AGBL4: variants seen among roughly 807,000 people sequenced by gnomAD.
AGBL4 encodes cytosolic carboxypeptidase 6.
Under a neutral mutation model 66.4 loss-of-function variants are expected in AGBL4, and 58 were observed. The observed-to-expected ratio is 0.87, with a 90% CI of 0.71 to 1.09. The LOEUF (loss-of-function observed/expected upper bound fraction) is 1.09, where lower values mean the gene tolerates loss of function less well. AGBL4 is among the 50% of genes least tolerant of loss of function. The pLI is 0.00. For missense variants in AGBL4, 579 were observed against 631.0 expected (o/e 0.92, Z 0.88); for synonymous variants, 234 against 222.9 (o/e 1.05, Z -0.44).
At chr1:48,650,229 C>A (rs1645904749) in intron 8 of AGBL4, among the ~76,000 whole-genome samples, 1 of 152,202 alleles carries the variant, frequency 6.6e-6, no homozygotes, top group Non-Finnish European at 1.5e-5. Context: ...TGCATCCCTG[C>A]CCGCTCCTCA....
chr1:48,864,175 A>G (rs1275520556), intron 6 of AGBL4, among the ~76,000 whole-genome samples: 2 of 152,134 alleles, frequency 1.3e-5, no homozygotes, highest in African/African-American at 4.8e-5. Flanking sequence ...GACAATAAAG[A>G]TATAAAAAGA....
At chr1:49,305,053 G>C (rs552868636) in intron 3 of AGBL4, among the ~76,000 whole-genome samples, 1 of 152,278 alleles carries the variant, frequency 6.6e-6, no homozygotes, top group Non-Finnish European at 1.5e-5. Context: ...TTACAGAATA[G>C]AAAACTGAGG....
At chr1:48,923,670 T>C (rs1654280814) in intron 5 of AGBL4, among the ~76,000 whole-genome samples, 1 of 152,210 alleles carries the variant, frequency 6.6e-6, no homozygotes, top group South Asian at 2.1e-4. Context: ...TATTTTAATG[T>C]CACTGTATTG....
At chr1:49,167,805 A>T (rs2148154835) in intron 4 of AGBL4, among the ~76,000 whole-genome samples, 1 of 152,310 alleles carries the variant, frequency 6.6e-6, no homozygotes, top group Non-Finnish European at 1.5e-5. Context: ...CACTCTCATC[A>T]TCTGTCTGCA....
In AGBL4 at chr1:49,628,246, A is replaced by C. The variant is rs145243924; in HGVS notation, c.282+69067T>G. 6.9e-3 allele frequency among the ~76,000 whole-genome samples: 1,049 copies of C among 152,226 alleles called. 11 individuals are homozygous for C. The highest frequency in any genetic ancestry group is 0.023 in the African/African-American group (976 of 41,556). On this transcript the variant is annotated intron_variant, in intron 3 of 13. Coordinates refer to ENST00000371839, the MANE Select transcript of AGBL4 (RefSeq NM_032785.4). ...TAAACTCCACATTATATCTTTTCCC[A>C]AAACTACACCTCCAATAACATAGAG...
chr1:49,474,033 C>A (rs1414008396), intron 3 of AGBL4, among the ~76,000 whole-genome samples: 1 of 152,012 alleles, frequency 6.6e-6, no homozygotes, highest in Non-Finnish European at 1.5e-5. Context: ...TTACTGCAGC[C>A]TTGTAGCATA....
chr1:48,623,743 C>T (rs1041521442), intron 9 of AGBL4, among the ~76,000 whole-genome samples: 7 of 152,200 alleles, frequency 4.6e-5, no homozygotes, highest in Non-Finnish European at 4.4e-5. Flanking sequence ...TCAGCTGAGT[C>T]CCTAATGGGG....
chr1:48,605,753 C>G (rs1296732391), intron 9 of AGBL4, among the ~76,000 whole-genome samples: 2 of 152,302 alleles, frequency 1.3e-5, no homozygotes, highest in South Asian at 4.1e-4. Context: ...AAGATATTAT[C>G]TTTGAGCAGA....
At position 48,736,088 on chromosome 1, in the gene AGBL4, T is replaced by G; in HGVS notation, c.635-72847A>C. 1 of 781,834 alleles carries G rather than the reference T, an allele frequency of 1.3e-6. No individual in the cohort carries two copies. Among genetic ancestry groups the G allele is most frequent in the Non-Finnish European group, 2.1e-6 (1 of 478,138 alleles). 48.4% of individuals were successfully genotyped at this position (781,834 alleles called of 1,614,324 possible). Reference sequence around the variant, plus strand: ...GGTAAATGTGAGCTCTTCTGGGGCATTTGGGTTATCCGCTTGGTGTCCCCG... The same window carrying G: ...GGTAAATGTGAGCTCTTCTGGGGCAGTTGGGTTATCCGCTTGGTGTCCCCG... On this transcript the variant is annotated intron_variant, in intron 6 of 13. Coordinates refer to ENST00000371839, the MANE Select transcript of AGBL4 (RefSeq NM_032785.4). The surrounding 1 kb of genome is among the most constrained non-coding windows in gnomAD (Gnocchi z 4.0).
intron 3 of AGBL4, among the ~76,000 whole-genome samples, chr1:49,247,364 A>T (rs758934404): frequency 7.9e-5 from 12 of 152,112 alleles, no homozygotes; most frequent in Non-Finnish European, 1.5e-4. Flanking sequence ...CTCCTCAGAG[A>T]CCAGCCATTT....
At chr1:49,490,150 A>G (rs1647158934) in intron 3 of AGBL4, among the ~76,000 whole-genome samples, 1 of 151,722 alleles carries the variant, frequency 6.6e-6, no homozygotes, top group Admixed American at 6.6e-5. Context: ...TTTGACAACA[A>G]TTTGTGGTTT....
intron 5 of AGBL4, among the ~76,000 whole-genome samples, chr1:48,898,604 G>A (rs1225774642): frequency 6.6e-6 from 1 of 152,120 alleles, no homozygotes; most frequent in Admixed American, 6.5e-5. Flanking sequence ...TTAAAGATGA[G>A]TTGGTATATC....
chr1:49,866,130 T>C (rs1193581566), intron 1 of AGBL4, among the ~76,000 whole-genome samples: 2 of 152,154 alleles, frequency 1.3e-5, no homozygotes, highest in African/African-American at 2.4e-5. Flanking sequence ...ACTCTACAAC[T>C]GATTGGGGTA....
chr1:49,194,159 G>A (rs569657019), intron 4 of AGBL4, among the ~76,000 whole-genome samples: 1 of 152,164 alleles, frequency 6.6e-6, no homozygotes, highest in East Asian at 1.9e-4. Flanking sequence ...CTTTCTTTAT[G>A]TCTAGTAATA....
chr1:49,842,353 G>A (rs180808902), intron 2 of AGBL4: 386 of 555,678 alleles, frequency 6.9e-4, no homozygotes, highest in Middle Eastern at 3.7e-3. Context: ...AGCCATGGGC[G>A]GTGGACTCTG....
chr1:49,461,018 T>C (rs1035126538), intron 3 of AGBL4, among the ~76,000 whole-genome samples: 2 of 151,682 alleles, frequency 1.3e-5, no homozygotes, highest in African/African-American at 2.4e-5. Context: ...TTTTGTCTCA[T>C]AGCTCTTAAG....
At chr1:49,578,751 T>C (rs1396464563) in intron 3 of AGBL4, among the ~76,000 whole-genome samples, 1 of 152,226 alleles carries the variant, frequency 6.6e-6, no homozygotes, top group Non-Finnish European at 1.5e-5. Context: ...ATTGTAATTA[T>C]GACCTTTTTG....
At chr1:49,953,724 G>T (rs565167976) in intron 1 of AGBL4, among the ~76,000 whole-genome samples, 1 of 151,706 alleles carries the variant, frequency 6.6e-6, no homozygotes, top group African/African-American at 2.4e-5. Context: ...TCAGAAATCT[G>T]AAACACTTCT....
At chr1:49,014,255 T>C (rs1662655384) in intron 5 of AGBL4, among the ~76,000 whole-genome samples, 1 of 152,166 alleles carries the variant, frequency 6.6e-6, no homozygotes, top group South Asian at 2.1e-4. Flanking sequence ...TCCTATATTA[T>C]CAGTTTTCTG....
Sources: allele counts gnomAD v4.1 joint callset (sites outside exome capture counted in the v4.1 genomes callset), GRCh38; gene constraint gnomAD v4.1.1; non-coding constraint Gnocchi (gnomAD v3.1); transcripts MANE v1.5; gene names NCBI Gene and HGNC (gene_info 2026-07-23, HGNC 2026-07-21).